SUGCT: variants seen among roughly 807,000 people sequenced by gnomAD.
The protein encoded by SUGCT is succinyl-CoA:glutarate-CoA transferase, also known as succinyl-CoA:glutarate CoA-transferase.
A neutral mutation model predicts 55.0 loss-of-function variants in SUGCT; 41 were observed. The ratio of observed to expected loss-of-function variants is 0.74; its 90% CI spans 0.58 to 0.97. SUGCT has a LOEUF of 0.97. SUGCT is among the 50% of genes least tolerant of loss of function. SUGCT has a pLI of 0.00. For missense variants in SUGCT, 568 were observed against 547.8 expected (o/e 1.04, Z -0.37); for synonymous variants, 187 against 200.4 (o/e 0.93, Z 0.56).
At chr7:40,160,453 T>C (rs916688064) in intron 1 of SUGCT, among the ~76,000 whole-genome samples, 10 of 152,192 alleles carry the variant, frequency 6.6e-5, no homozygotes, top group African/African-American at 2.4e-4. Flanking sequence ...GGTCTCAAGC[T>C]CCTGACCTCA....
At chr7:40,811,562 C>T (rs1791415442) in intron 13 of SUGCT, among the ~76,000 whole-genome samples, 1 of 151,896 alleles carries the variant, frequency 6.6e-6, no homozygotes, top group South Asian at 2.1e-4. Flanking sequence ...TGATTTGGCT[C>T]TCAGCTTGAA....
At chr7:40,992,391 C>G in the SUGCT span, among the ~76,000 whole-genome samples, 1 of 152,086 alleles carries the variant, frequency 6.6e-6, no homozygotes, top group African/African-American at 2.4e-5. Context: ...GCTTCTTTAC[C>G]ACACCTGTTT....
At chr7:40,195,192 T>G in intron 6 of SUGCT, 132 bp downstream of exon 6, 2 of 1,007,660 alleles carry the variant, frequency 2.0e-6, no homozygotes, top group Non-Finnish European at 2.8e-6. Flanking sequence ...CAAGGCCGTT[T>G]AGGTTGCTGA....
intron 13 of SUGCT, among the ~76,000 whole-genome samples, chr7:40,796,841 G>C (rs1487540904): frequency 1.3e-5 from 2 of 152,188 alleles, no homozygotes; most frequent in African/African-American, 2.4e-5. Flanking sequence ...CCAACTGATA[G>C]CTCCAGAAAT....
chr7:40,962,935 G>A, the SUGCT span, among the ~76,000 whole-genome samples: 1 of 152,116 alleles, frequency 6.6e-6, no homozygotes, highest in African/African-American at 2.4e-5. Context: ...ATCTGGAGAT[G>A]AGTTTATTTC....
chr7:40,816,418 CAA>C (rs1791673748), intron 13 of SUGCT, among the ~76,000 whole-genome samples: 1 of 152,156 alleles, frequency 6.6e-6, no homozygotes, highest in African/African-American at 2.4e-5. Flanking sequence ...TTGGGAGAAA[CAA>C]AGTGTTCCCC....
At chr7:40,699,404 G>A (rs1192391785) in intron 12 of SUGCT, among the ~76,000 whole-genome samples, 2 of 152,192 alleles carry the variant, frequency 1.3e-5, no homozygotes, top group Non-Finnish European at 2.9e-5. Context: ...CAGGCCACAT[G>A]GCAGTGGACA....
chr7:40,613,275 T>C (rs1798848470), intron 12 of SUGCT, among the ~76,000 whole-genome samples: 1 of 152,216 alleles, frequency 6.6e-6, no homozygotes. Flanking sequence ...ACCATGAGGC[T>C]GCTTTCACAG....
the SUGCT span, among the ~76,000 whole-genome samples, chr7:40,989,735 C>T: frequency 3.9e-5 from 6 of 152,192 alleles, no homozygotes; most frequent in African/African-American, 1.4e-4. Flanking sequence ...TATGCCACTG[C>T]ACTCCAGCCT....
At chr7:40,283,567 G>A (rs1291358629) in intron 8 of SUGCT, among the ~76,000 whole-genome samples, 1 of 152,058 alleles carries the variant, frequency 6.6e-6, no homozygotes, top group Non-Finnish European at 1.5e-5. Context: ...TGGCCAACAA[G>A]TATCTGAGAA....
At chr7:40,149,294 C>T (rs1178359279) in intron 1 of SUGCT, among the ~76,000 whole-genome samples, 3 of 152,202 alleles carry the variant, frequency 2.0e-5, no homozygotes, top group Admixed American at 1.3e-4. Context: ...AGAGATCTAA[C>T]TTAACTGACT....
chr7:40,373,633 T>G (rs1784406360), intron 9 of SUGCT, among the ~76,000 whole-genome samples: 1 of 151,996 alleles, frequency 6.6e-6, no homozygotes, highest in Admixed American at 6.6e-5. Context: ...CAAATGCATA[T>G]TTTTGATTGT....
At chr7:40,435,157 G>T (rs1433073115) in intron 9 of SUGCT, among the ~76,000 whole-genome samples, 4 of 152,160 alleles carry the variant, frequency 2.6e-5, no homozygotes, top group Non-Finnish European at 5.9e-5. Flanking sequence ...TACAAAGGCT[G>T]ACCCTCTATG....
At chr7:40,587,506 C>A (rs1368507946) in intron 12 of SUGCT, among the ~76,000 whole-genome samples, 3 of 152,042 alleles carry the variant, frequency 2.0e-5, no homozygotes, top group African/African-American at 7.2e-5. Context: ...ATTAAAAATT[C>A]ATAAAAGTGA....
intron 8 of SUGCT, among the ~76,000 whole-genome samples, chr7:40,309,904 A>C (rs1488155231): frequency 1.3e-5 from 2 of 152,002 alleles, no homozygotes; most frequent in Admixed American, 6.6e-5. Flanking sequence ...AAAAAAAAAA[A>C]AAACACATGA....
intron 12 of SUGCT, among the ~76,000 whole-genome samples, chr7:40,602,119 C>T (rs996944081): frequency 6.6e-6 from 1 of 152,148 alleles, no homozygotes; most frequent in African/African-American, 2.4e-5. Context: ...TTTGTTTCCT[C>T]TCTCAATTGT....
chr7:40,462,955 T>C (rs1207570035), intron 11 of SUGCT, among the ~76,000 whole-genome samples: 1 of 152,202 alleles, frequency 6.6e-6, no homozygotes, highest in Non-Finnish European at 1.5e-5. Context: ...CTGTTACTCA[T>C]TTATTGTACT....
rs111791620 is a variant in SUGCT at position 40,330,048 on chromosome 7, G to A, written c.816+13193G>A. Among the ~76,000 whole-genome samples the A allele has an allele frequency of 1.3e-3, 195 of 152,282 alleles. No individual in the cohort carries two copies. The Middle Eastern group carries it at 0.017, about 13-fold the overall frequency. ...AGAATACACTGCAGATGCTGTGACA[G>A]GCTCACTGAGAGAACAGCATCCTGG... On this transcript the variant is annotated intron_variant, in intron 9 of 13. Coordinates refer to ENST00000335693, the MANE Select transcript of SUGCT (RefSeq NM_001193313.2).
intron 13 of SUGCT, among the ~76,000 whole-genome samples, chr7:40,838,631 TTTTG>T: frequency 6.6e-6 from 1 of 151,834 alleles, no homozygotes; most frequent in South Asian, 2.1e-4. Flanking sequence ...ACATCTAGCG[TTTTG>T]TTTGTTTGCT....
Sources: gnomAD v4.1 joint callset for allele counts (sites outside exome capture counted in the v4.1 genomes callset) on GRCh38, gnomAD v4.1.1 for gene constraint, MANE v1.5 for transcripts, NCBI Gene and HGNC (gene_info 2026-07-23, HGNC 2026-07-21) for gene names.